The following ACSF3 variants were observed in gnomAD, a reference collection of about 807,000 sequenced individuals.
ACSF3 encodes the protein malonate--CoA ligase ACSF3, mitochondrial.
In ACSF3, 78 loss-of-function variants were observed where a neutral mutation model predicts 53.2. That is an observed-to-expected ratio of 1.47 (90% CI 1.22 to 1.77). The LOEUF is 1.77. Among genes scored for constraint, ACSF3 ranks in the 40% most tolerant of loss-of-function variants. The pLI is 0.00. For missense variants in ACSF3, 937 were observed against 771.1 expected (o/e 1.22, Z -2.55); for synonymous variants, 414 against 333.1 (o/e 1.24, Z -2.65).
chr16:89,140,668 T>G (rs1439148084), intron 8 of ACSF3, among the ~76,000 whole-genome samples: 1 of 152,174 alleles, frequency 6.6e-6, no homozygotes, highest in African/African-American at 2.4e-5. Flanking sequence ...GGCGCTGTTC[T>G]TATCTTGCGT....
intron 10 of ACSF3, 91 bp from the exon 11 acceptor site, chr16:89,153,999 C>T: frequency 7.3e-7 from 1 of 1,367,406 alleles, no homozygotes; most frequent in South Asian, 1.2e-5. Flanking sequence ...TGCAGGGTCC[C>T]AGGGGCACCT....
chr16:89,094,529 G>A (rs1974384431), intron 1 of ACSF3, among the ~76,000 whole-genome samples: 1 of 152,184 alleles, frequency 6.6e-6, no homozygotes, highest in Non-Finnish European at 1.5e-5. Flanking sequence ...CCATTCCCTG[G>A]AGAGAGGGAA....
chr16:89,132,949 C>T (rs1909641190), intron 7 of ACSF3, among the ~76,000 whole-genome samples, 187 bp from the exon 8 acceptor site: 1 of 152,254 alleles, frequency 6.6e-6, no homozygotes, highest in South Asian at 2.1e-4. Flanking sequence ...GAATGCTTAG[C>T]TCAGCATGGT....
intron 8 of ACSF3, 140 bp from the exon 9 acceptor site, chr16:89,145,127 C>T (rs1912647410): frequency 6.2e-7 from 1 of 1,601,132 alleles, no homozygotes; most frequent in Non-Finnish European, 8.5e-7. Flanking sequence ...GTTGGGGTTG[C>T]CACAGGGTAG....
chr16:89,117,853 A>C (rs1905457439), intron 6 of ACSF3, among the ~76,000 whole-genome samples: 1 of 150,950 alleles, frequency 6.6e-6, no homozygotes, highest in Non-Finnish European at 1.5e-5. Context: ...GTTATTGGGC[A>C]AGAAACCTGA....
chr16:89,120,914 G>A lies in ACSF3; in HGVS notation c.1239+1G>A. The A allele has an allele frequency of 6.2e-7, 1 of 1,613,448 alleles. No homozygotes were observed. Among genetic ancestry groups the A allele is most frequent in the Middle Eastern group, 1.7e-4 (1 of 6,060 alleles). On this transcript the variant is annotated splice_donor_variant, in intron 7 of 10. Transcript: ENST00000614302. LOFTEE classifies it high-confidence loss of function. ...AGAGGGAGACGAGAGGGGGACCAAG[G>A]TAAGCCACTCTGCTCTTGGCAGGTG...
chr16:89,149,911 AC>A (rs1913790224), intron 10 of ACSF3: 1 of 152,154 alleles, frequency 6.6e-6, no homozygotes, highest in South Asian at 2.1e-4. Context: ...CCAGGGACCC[AC>A]CCCTGTCTAT....
chr16:89,141,386 C>T, intron 8 of ACSF3: 4 of 1,150,640 alleles, frequency 3.5e-6, no homozygotes, highest in African/African-American at 1.6e-5. Context: ...TTCCAAGGGG[C>T]AAGCTCAGGG....
chr16:89,095,801 G>A lies in ACSF3; in HGVS notation c.-194+1805G>A, dbSNP rs115951364. 9.2e-3 allele frequency among the ~76,000 whole-genome samples: 1,405 copies of A among 152,340 alleles called. 24 individuals are homozygous for A. Among genetic ancestry groups the A allele is most frequent in the African/African-American group, 0.033 (1,358 of 41,574 alleles). ...TGCCGGGCCATTCGTACATTCTCAC[G>A]TGAAGCCTGTGAGGCAGGTCTTGTT... On this transcript the variant is annotated intron_variant, in intron 1 of 10. Transcript: ENST00000614302.
intron 8 of ACSF3, chr16:89,136,622 G>A (rs1381340520): frequency 2.3e-6 from 3 of 1,287,160 alleles, no homozygotes; most frequent in Non-Finnish European, 3.0e-6. Flanking sequence ...GGACACAGCT[G>A]AGGATGGCCG....
chr16:89,094,162 G>A (rs967784417), intron 1 of ACSF3, among the ~76,000 whole-genome samples, 166 bp downstream of exon 1: 4 of 151,562 alleles, frequency 2.6e-5, no homozygotes, highest in Admixed American at 6.6e-5. Flanking sequence ...CGGCCTTCCC[G>A]GGACGCCGAG....
At chr16:89,109,287 G>GGCTGTGTT (rs1976402173) in intron 4 of ACSF3, among the ~76,000 whole-genome samples, 1 of 150,644 alleles carries the variant, frequency 6.6e-6, no homozygotes, top group South Asian at 2.1e-4. Flanking sequence ...TTTCCAAAAT[G>GGCTGTGTT]GCTGTGTTGC....
At chr16:89,098,365 G>A (rs1203507680) in intron 1 of ACSF3, among the ~76,000 whole-genome samples, 1 of 152,206 alleles carries the variant, frequency 6.6e-6, no homozygotes, top group African/African-American at 2.4e-5. Context: ...GCTGAACATG[G>A]GCACAGATCC....
At chr16:89,134,148 A>G (rs1909928237) in intron 8 of ACSF3, among the ~76,000 whole-genome samples, 1 of 152,218 alleles carries the variant, frequency 6.6e-6, no homozygotes, top group Admixed American at 6.5e-5. Flanking sequence ...AGAGCTCCCA[A>G]GATGGTAGCG....
chr16:89,134,682 C>T (rs1292923124), intron 8 of ACSF3, among the ~76,000 whole-genome samples: 1 of 152,210 alleles, frequency 6.6e-6, no homozygotes, highest in African/African-American at 2.4e-5. Flanking sequence ...TCCTGCTGTG[C>T]TCTGAGGAGA....
intron 4 of ACSF3, among the ~76,000 whole-genome samples, chr16:89,111,821 C>T (rs1335138167): frequency 1.3e-5 from 2 of 152,232 alleles, no homozygotes; most frequent in African/African-American, 4.8e-5. Flanking sequence ...CTGGAAGAGC[C>T]TGACCACTCA....
intron 5 of ACSF3, among the ~76,000 whole-genome samples, chr16:89,112,641 C>CGTCTGTCTCT (rs374756923): frequency 6.6e-6 from 1 of 152,018 alleles, no homozygotes; most frequent in African/African-American, 2.4e-5. Flanking sequence ...TCTGTCTCTC[C>CGTCTGTCTCT]GTCTTCTCTT....
At chr16:89,116,242 C>G (rs139616224) in intron 6 of ACSF3, among the ~76,000 whole-genome samples, 1 of 152,160 alleles carries the variant, frequency 6.6e-6, no homozygotes, top group Non-Finnish European at 1.5e-5. Flanking sequence ...GTTGAAAGTC[C>G]GTCGACTCCT....
At chr16:89,117,657 C>T (rs1326745342) in intron 6 of ACSF3, among the ~76,000 whole-genome samples, 1 of 151,878 alleles carries the variant, frequency 6.6e-6, no homozygotes, top group Non-Finnish European at 1.5e-5. Context: ...CAAGGAGCAG[C>T]CCAGGGACCG....
Sources: allele counts gnomAD v4.1 joint callset (sites outside exome capture counted in the v4.1 genomes callset), GRCh38; gene constraint gnomAD v4.1.1; transcripts MANE v1.5; gene names NCBI Gene and HGNC (gene_info 2026-07-23, HGNC 2026-07-21).